The following HIVEP3 variants were observed in gnomAD, a reference collection of about 807,000 sequenced individuals.
The protein encoded by HIVEP3 is transcription factor HIVEP3.
HIVEP3 carries 49 observed loss-of-function variants against 152.8 expected under a neutral mutation model. The ratio of observed to expected loss-of-function variants is 0.32; its 90% CI spans 0.26 to 0.41. The LOEUF (loss-of-function observed/expected upper bound fraction) is 0.41, where lower values mean the gene tolerates loss of function less well. HIVEP3 is among the 10% of genes least tolerant of loss of function. The pLI is 1.00. For missense variants in HIVEP3, 2,790 were observed against 3,103.3 expected (o/e 0.90, Z 2.40); for synonymous variants, 1,269 against 1,289.0 (o/e 0.98, Z 0.33).
At chr1:42,013,887 T>C (rs1444200051) in intron 1 of HIVEP3, among the ~76,000 whole-genome samples, 1 of 152,186 alleles carries the variant, frequency 6.6e-6, no homozygotes, top group East Asian at 1.9e-4. Context: ...GAATTTTACA[T>C]TGCCCTCCAT....
chr1:41,999,039 G>C (rs1284980105), intron 1 of HIVEP3, among the ~76,000 whole-genome samples: 3 of 151,618 alleles, frequency 2.0e-5, no homozygotes, highest in Admixed American at 6.6e-5. Context: ...GGGACTACAG[G>C]TGCATGCCAC....
intron 1 of HIVEP3, among the ~76,000 whole-genome samples, chr1:42,023,931 C>G (rs7535305): frequency 2.0e-5 from 3 of 152,076 alleles, no homozygotes; most frequent in Non-Finnish European, 4.4e-5. Flanking sequence ...GGAAAGTTTA[C>G]CCTTTATCTG....
At chr1:42,010,666 C>T (rs1028812191) in intron 1 of HIVEP3, among the ~76,000 whole-genome samples, 8 of 152,182 alleles carry the variant, frequency 5.3e-5, no homozygotes, top group Non-Finnish European at 1.2e-4. Context: ...TCAGATATTA[C>T]TTTGCAGTGC....
chr1:41,784,117 C>T (rs1036876344), intron 1 of HIVEP3, among the ~76,000 whole-genome samples: 1 of 152,228 alleles, frequency 6.6e-6, no homozygotes, highest in African/African-American at 2.4e-5. Flanking sequence ...AGCTGTGCTT[C>T]CAGGGAGAGC....
At chr1:41,959,285 T>G (rs1645156618) in intron 1 of HIVEP3, among the ~76,000 whole-genome samples, 1 of 152,202 alleles carries the variant, frequency 6.6e-6, no homozygotes, top group African/African-American at 2.4e-5. Flanking sequence ...AAGGACAATA[T>G]TTTATCGTGA....
intron 2 of HIVEP3, among the ~76,000 whole-genome samples, chr1:41,641,296 G>A (rs1316944516): frequency 6.6e-6 from 1 of 152,210 alleles, no homozygotes; most frequent in Non-Finnish European, 1.5e-5. Context: ...TAACAGGTGT[G>A]TGTTTTTGGA....
At chr1:41,855,341 AT>A (rs1643732487) in intron 1 of HIVEP3, among the ~76,000 whole-genome samples, 1 of 152,348 alleles carries the variant, frequency 6.6e-6, no homozygotes, top group Middle Eastern at 3.4e-3. Flanking sequence ...AAAAGACAAA[AT>A]TGACAAATGG....
At chr1:41,691,864 T>C (rs1347228742) in intron 2 of HIVEP3, among the ~76,000 whole-genome samples, 1 of 149,124 alleles carries the variant, frequency 6.7e-6, no homozygotes, top group Non-Finnish European at 1.5e-5. Context: ...TAGTCACTTG[T>C]GGGTGTGCAG....
chr1:41,558,244 C>T (rs528639865), intron 5 of HIVEP3, among the ~76,000 whole-genome samples: 5 of 152,316 alleles, frequency 3.3e-5, no homozygotes, highest in East Asian at 1.9e-4. Flanking sequence ...CTATGCTGGA[C>T]GGCCAGTCCT....
intron 3 of HIVEP3, among the ~76,000 whole-genome samples, chr1:41,586,067 G>A (rs1644500945): frequency 6.6e-6 from 1 of 152,228 alleles, no homozygotes; most frequent in African/African-American, 2.4e-5. Flanking sequence ...CTTGATCCAA[G>A]CAATTGCCAG....
chr1:41,784,444 G>A (rs998517810), intron 1 of HIVEP3, among the ~76,000 whole-genome samples: 1 of 152,062 alleles, frequency 6.6e-6, no homozygotes, highest in Non-Finnish European at 1.5e-5. Flanking sequence ...AAAATCACAC[G>A]TGTGGTTCAC....
At chr1:41,691,344 C>T (rs973693450) in intron 2 of HIVEP3, among the ~76,000 whole-genome samples, 8 of 152,112 alleles carry the variant, frequency 5.3e-5, no homozygotes, top group South Asian at 2.1e-4. Context: ...AGAAAAAAAT[C>T]CTCCCCTTAA....
At chr1:42,029,637 G>A (rs1235446575) in intron 1 of HIVEP3, among the ~76,000 whole-genome samples, 1 of 152,186 alleles carries the variant, frequency 6.6e-6, no homozygotes, top group South Asian at 2.1e-4. Flanking sequence ...AATAACACAA[G>A]GATGGAAAAT....
intron 1 of HIVEP3, among the ~76,000 whole-genome samples, chr1:42,001,670 A>G (rs80133632): frequency 1.1e-3 from 164 of 152,354 alleles, no homozygotes; most frequent in African/African-American, 3.7e-3. Flanking sequence ...CTGGCTCATC[A>G]CACACTTAAG....
chr1:42,024,378 C>G (rs1014844389), intron 1 of HIVEP3, among the ~76,000 whole-genome samples: 8 of 152,048 alleles, frequency 5.3e-5, no homozygotes, highest in African/African-American at 1.9e-4. Context: ...TTTCTGTGGT[C>G]TTATGTTTCC....
At chr1:41,950,424 T>C (rs1645100124) in intron 1 of HIVEP3, among the ~76,000 whole-genome samples, 1 of 152,226 alleles carries the variant, frequency 6.6e-6, no homozygotes, top group African/African-American at 2.4e-5. Flanking sequence ...ACTTTGCACC[T>C]TGGGCTTTGT....
chr1:41,697,432 C>T (rs1277313773), intron 2 of HIVEP3, among the ~76,000 whole-genome samples: 3 of 152,252 alleles, frequency 2.0e-5, no homozygotes, highest in African/African-American at 7.2e-5. Flanking sequence ...AGCCCCTCCA[C>T]GTGCACGCCT....
At chr1:41,723,543 A>G (rs1646709079) in intron 1 of HIVEP3, among the ~76,000 whole-genome samples, 1 of 151,852 alleles carries the variant, frequency 6.6e-6, no homozygotes, top group South Asian at 2.1e-4. Context: ...CCACCATAAA[A>G]AAATATGCTG....
chr1:41,774,466 T>C (rs1316989899), intron 1 of HIVEP3, among the ~76,000 whole-genome samples: 1 of 152,230 alleles, frequency 6.6e-6, no homozygotes, highest in Non-Finnish European at 1.5e-5. Context: ...TGAGAAAGAA[T>C]TCAGGCACAT....
Sources: gnomAD v4.1 joint callset for allele counts (sites outside exome capture counted in the v4.1 genomes callset) on GRCh38, gnomAD v4.1.1 for gene constraint, MANE v1.5 for transcripts, NCBI Gene and HGNC (gene_info 2026-07-23, HGNC 2026-07-21) for gene names.